The following HSPA9 variants were observed in gnomAD, a reference collection of about 807,000 sequenced individuals.
HSPA9 encodes the protein stress-70 protein, mitochondrial.
Under a neutral mutation model 81.5 loss-of-function variants are expected in HSPA9, and 28 were observed. The ratio of observed to expected loss-of-function variants is 0.34; its 90% CI spans 0.25 to 0.47. The LOEUF (loss-of-function observed/expected upper bound fraction) is 0.47. HSPA9 is among the 20% of genes least tolerant of loss of function. HSPA9 has a pLI of 1.00. For synonymous variants in HSPA9, 293 were observed against 290.4 expected, an observed-to-expected ratio of 1.01 and a Z score of -0.09; for missense variants, 678 against 838.0, an observed-to-expected ratio of 0.81 and a Z score of 2.36.
chr5:138,566,680 C>T lies in HSPA9; in HGVS notation c.918G>A (p.Gln306=), dbSNP rs1415868977. The part of the protein sequence containing the change: ...VDLTKDNMAL[Q]RVREAAEKAK... ...CCTTTTCAGCAGCTTCCCGTACCCT[C>T]TGAAGTGCCATGTTGTCTTTAGTCA... Residue 306 remains glutamine (Q), a synonymous_variant, in exon 9 of 17, where the codon CAG becomes CAA. Coordinates refer to ENST00000297185, the MANE Select transcript of HSPA9 (RefSeq NM_004134.7). The T allele has an allele frequency of 6.2e-7, 1 of 1,613,978 alleles. No individual in the cohort carries two copies. The highest frequency in any genetic ancestry group is 1.3e-5 in the African/African-American group (1 of 74,922).
intron 16 of HSPA9, 121 bp from the exon 17 acceptor site, chr5:138,556,235 C>T: frequency 1.9e-6 from 2 of 1,035,822 alleles, no homozygotes; most frequent in Non-Finnish European, 3.0e-6. Context: ...ATTCCACTCC[C>T]CCTCCCCACT....
At chr5:138,567,225 G>A in intron 7 of HSPA9, 62 bp from the exon 8 acceptor site, 1 of 1,407,524 alleles carries the variant, frequency 7.1e-7, no homozygotes, top group Non-Finnish European at 9.8e-7. Context: ...CTATCACCAG[G>A]ATATAAATTT....
rs1343667531 is a variant in HSPA9 at position 138,555,130 on chromosome 5, G to A, written c.*907C>T. The stretch of plus-strand genomic sequence containing the variant: ...TTCTAAATGTACCAAAGGTCTAAGG[G>A]GAGAAAATAAAATCCTTCAAACAAG... On this transcript the variant is annotated 3_prime_UTR_variant, in exon 17 of 17. Coordinates refer to ENST00000297185, the MANE Select transcript of HSPA9 (RefSeq NM_004134.7). The A allele has an allele frequency of 6.6e-6, 1 of 152,062 alleles. No individual in the cohort carries two copies. The highest frequency in any genetic ancestry group is 1.5e-5 in the Non-Finnish European group (1 of 68,016). The allele number at this position is 152,062 out of a possible 1,614,324, so 9.4% of individuals were successfully genotyped here. A position where few individuals can be genotyped will look rare whatever the true frequency, so the allele number is the denominator to read the frequency against.
chr5:138,555,706 G>A lies in HSPA9; in HGVS notation c.*331C>T. On this transcript the variant is annotated 3_prime_UTR_variant, in exon 17 of 17. Coordinates refer to ENST00000297185, the MANE Select transcript of HSPA9 (RefSeq NM_004134.7). Reference sequence around the variant, plus strand: ...TATGGATGACTACCTTCATTGCTGTGTGCGAGATGGTTTCACCCCTTGAAA... The same window carrying A: ...TATGGATGACTACCTTCATTGCTGTATGCGAGATGGTTTCACCCCTTGAAA... 7 of 369,192 alleles carry A rather than the reference G, an allele frequency of 1.9e-5. No individual in the cohort carries two copies. In the East Asian group the frequency reaches 4.8e-4, roughly 26 times the overall value. 22.9% of individuals were successfully genotyped at this position (369,192 alleles called of 1,614,324 possible).
chr5:138,556,166 T>TGG, intron 16 of HSPA9, 52 bp from the exon 17 acceptor site: 1 of 1,473,134 alleles, frequency 6.8e-7, no homozygotes, highest in Non-Finnish European at 9.5e-7. Flanking sequence ...GAGCTAACCA[T>TGG]TTGCTCTTTG....
chr5:138,559,366 G>A (rs970633811), intron 11 of HSPA9, among the ~76,000 whole-genome samples: 1 of 152,100 alleles, frequency 6.6e-6, no homozygotes, highest in African/African-American at 2.4e-5. Flanking sequence ...GCCTCCCAAA[G>A]TGCTGGGATT....
At chr5:138,571,206 A>T in intron 3 of HSPA9, 65 bp from the exon 4 acceptor site, 1 of 1,492,616 alleles carries the variant, frequency 6.7e-7, no homozygotes, top group East Asian at 2.3e-5. Context: ...TTTGAGATGG[A>T]GTCTCACTCT....
intron 9 of HSPA9, among the ~76,000 whole-genome samples, chr5:138,564,046 C>T (rs41295731): frequency 9.2e-4 from 140 of 152,278 alleles, no homozygotes; most frequent in African/African-American, 3.3e-3. Flanking sequence ...AGATGCTATT[C>T]TTGTTATGCT....
In HSPA9 at chr5:138,554,445, T is replaced by C. The variant is rs1273709320; in HGVS notation, c.*1592A>G. Among the ~76,000 whole-genome samples, 1 of 152,220 alleles carries C rather than the reference T, an allele frequency of 6.6e-6. No homozygotes were observed. The highest frequency in any genetic ancestry group is 1.5e-5 in the Non-Finnish European group (1 of 68,038). ...CCTTCATAATCCTACAATGTTCCCA[T>C]TGAGTGTTCATGTGGTTGGAAACCT... On this transcript the variant is annotated 3_prime_UTR_variant, in exon 17 of 17. Transcript: ENST00000297185.
intron 4 of HSPA9, among the ~76,000 whole-genome samples, chr5:138,570,495 T>C (rs1192747045): frequency 2.0e-5 from 3 of 152,170 alleles, no homozygotes; most frequent in African/African-American, 7.2e-5. Flanking sequence ...CAAAAATGAA[T>C]TTTTTTCTTT....
chr5:138,564,946 G>T (rs1054742071), intron 9 of HSPA9, among the ~76,000 whole-genome samples: 7 of 152,222 alleles, frequency 4.6e-5, no homozygotes, highest in African/African-American at 1.2e-4. Context: ...CCTTTACTTT[G>T]TATCACTTCT....
intron 4 of HSPA9, chr5:138,570,659 T>C (rs545498096): frequency 2.8e-6 from 1 of 353,374 alleles, no homozygotes; most frequent in Non-Finnish European, 5.5e-6. Flanking sequence ...CTAATTTTTG[T>C]ATTTTAGTAG....
chr5:138,565,008 A>C (rs2127157340), intron 9 of HSPA9, among the ~76,000 whole-genome samples: 1 of 152,344 alleles, frequency 6.6e-6, no homozygotes, highest in East Asian at 1.9e-4. Context: ...TCCAAACCAC[A>C]ATATAATCTG....
In HSPA9 at chr5:138,554,478, G is replaced by C. The variant is rs1413446506; in HGVS notation, c.*1559C>G. Among the ~76,000 whole-genome samples, 1 of 152,190 alleles carries C rather than the reference G, an allele frequency of 6.6e-6. No individual in the cohort carries two copies. The highest frequency in any genetic ancestry group is 1.5e-5 in the Non-Finnish European group (1 of 68,042). The stretch of plus-strand genomic sequence containing the variant: ...TCATGTGGTTGGAAACCTGAGCCTA[G>C]AATTTTTCACGAATCCCAAGAATCT... On this transcript the variant is annotated 3_prime_UTR_variant, in exon 17 of 17. Transcript: ENST00000297185.
At position 138,570,547 on chromosome 5, in the gene HSPA9, G is replaced by A. The variant is rs189693680; in HGVS notation, c.410+413C>T. Reference sequence around the variant, plus strand: ...CAGCCCAGGCTGGAGTGCAGTGGCAGTGATCTCGGCTCACCGCAACCACCG... The same window carrying A: ...CAGCCCAGGCTGGAGTGCAGTGGCAATGATCTCGGCTCACCGCAACCACCG... On this transcript the variant is annotated intron_variant, in intron 4 of 16. Transcript: ENST00000297185. Among the ~76,000 whole-genome samples the A allele has an allele frequency of 3.4e-3, 516 of 152,238 alleles. 5 individuals carry two copies. The highest frequency in any genetic ancestry group is 0.012 in the African/African-American group (484 of 41,544).
intron 4 of HSPA9, among the ~76,000 whole-genome samples, chr5:138,569,858 C>T (rs1019162869): frequency 6.6e-6 from 1 of 151,538 alleles, no homozygotes; most frequent in Non-Finnish European, 1.5e-5. Context: ...AGGCCTAAAA[C>T]ATTTTGTATA....
At chr5:138,562,365 T>C (rs975420539) in intron 9 of HSPA9, among the ~76,000 whole-genome samples, 5 of 148,310 alleles carry the variant, frequency 3.4e-5, no homozygotes, top group African/African-American at 7.4e-5. Context: ...CTGGCTAACA[T>C]GGTGAAACCC....
At chr5:138,571,834 G>GTA (rs1554142860) in intron 3 of HSPA9, among the ~76,000 whole-genome samples, 1 of 150,096 alleles carries the variant, frequency 6.7e-6, no homozygotes, top group East Asian at 2.0e-4. Context: ...GTGTGTGTGT[G>GTA]TACTTTTAGT....
rs748380306 is a variant in HSPA9, at chr5:138,566,981, T to C, written c.879+20A>G. On this transcript the variant is annotated intron_variant, in intron 8 of 16. Coordinates refer to ENST00000297185, the MANE Select transcript of HSPA9 (RefSeq NM_004134.7). ...TCTCAATATCCCAACGTCTACATAT[T>C]AACCACATTGGTAACTCACCTCTCT... 5 of 1,584,108 alleles carry C rather than the reference T, an allele frequency of 3.2e-6. No individual in the cohort carries two copies. The East Asian group carries it at 8.9e-5, about 28-fold the overall frequency.
Sources: allele counts gnomAD v4.1 joint callset (sites outside exome capture counted in the v4.1 genomes callset), GRCh38; gene constraint gnomAD v4.1.1; transcripts MANE v1.5; gene names NCBI Gene and HGNC (gene_info 2026-07-23, HGNC 2026-07-21).